The following IL13RA1 variants were observed in gnomAD, a reference collection of about 807,000 sequenced individuals.
IL13RA1 encodes interleukin 13 receptor subunit alpha 1, also known as interleukin-13 receptor subunit alpha-1.
Under a neutral mutation model 33.8 loss-of-function variants are expected in IL13RA1, and 14 were observed. That is an observed-to-expected ratio of 0.41 (90% confidence interval 0.27 to 0.65). The LOEUF is 0.65. Ranked by LOEUF, IL13RA1 falls within the 30% of genes least tolerant of loss-of-function variation. IL13RA1 has a pLI of 0.28. For missense variants in IL13RA1, 313 were observed against 327.0 expected (o/e 0.96, Z 0.33); for synonymous variants, 116 against 115.7 (o/e 1.00, Z -0.02).
intron 8 of IL13RA1, among the ~76,000 whole-genome samples, chrX:118,772,756 C>G (rs1218820943): frequency 2.7e-5 from 3 of 111,571 alleles, no homozygotes; most frequent in African/African-American, 9.7e-5. Flanking sequence ...AGCACAAGAT[C>G]TTGAAGTTTT....
At chrX:118,774,120 G>T in intron 9 of IL13RA1, 145 bp downstream of exon 9, 1 of 392,469 alleles carries the variant, frequency 2.5e-6, no homozygotes, top group Middle Eastern at 3.8e-4. Flanking sequence ...ACATGACAAG[G>T]AAGTATTACC....
chrX:118,791,636 AAC>A, intron 10 of IL13RA1, 124 bp from the exon 11 acceptor site: 9 of 323,453 alleles, frequency 2.8e-5, no homozygotes, highest in East Asian at 4.7e-5. Context: ...AAAAAAAAAA[AAC>A]AGGAAATCAT....
chrX:118,741,107 C>A lies in IL13RA1; in HGVS notation c.179C>A (p.Ser60Ter). Residue 60 changes from serine to a stop codon, truncating the protein, a stop_gained, in exon 2 of 11, where the codon TCA becomes TAA. Transcript: ENST00000371666. LOFTEE classifies it high-confidence loss of function. ...TGGAATCCACCCGAGGGAGCCAGCT[C>A]AAATTGTAGTCTATGGTATTTTAGT... is the stretch of plus-strand genomic sequence containing the variant. The part of the protein sequence containing the change: ...WTWNPPEGAS[S>*]NCSLWYFSHF... The A allele has an allele frequency of 8.6e-7, 1 of 1,158,777 alleles. No individual in the cohort carries two copies. The highest frequency in any genetic ancestry group is 1.2e-6 in the Non-Finnish European group (1 of 847,346).
chrX:118,784,101 A>ATATACACGTATATATG (rs1569459380), intron 10 of IL13RA1, among the ~76,000 whole-genome samples: 2 of 65,499 alleles, frequency 3.1e-5, no homozygotes, highest in Non-Finnish European at 5.4e-5. Flanking sequence ...ATATATATAT[A>ATATACACGTATATATG]TATATATACG....
chrX:118,800,218 G>A, the IL13RA1 span, among the ~76,000 whole-genome samples: 1 of 111,293 alleles, frequency 9.0e-6, no homozygotes, highest in Non-Finnish European at 1.9e-5. Flanking sequence ...CAGGATGTGG[G>A]TGGGGCCAGA....
chrX:118,800,814 C>T, the IL13RA1 span, among the ~76,000 whole-genome samples: 1 of 110,224 alleles, frequency 9.1e-6, no homozygotes, highest in Non-Finnish European at 1.9e-5. Flanking sequence ...GAGACAGGGT[C>T]TCACTTTTAT....
the IL13RA1 span, among the ~76,000 whole-genome samples, chrX:118,800,445 A>G: frequency 1.8e-5 from 2 of 110,256 alleles, no homozygotes; most frequent in African/African-American, 6.6e-5. Context: ...CAGACGCGCT[A>G]CCTTAAGAGC....
At chrX:118,762,218 G>A (rs1241903962) in intron 6 of IL13RA1, among the ~76,000 whole-genome samples, 2 of 112,714 alleles carry the variant, frequency 1.8e-5, no homozygotes, top group African/African-American at 3.2e-5. Context: ...ACACTTTTTT[G>A]TGTGGAACAC....
intron 8 of IL13RA1, among the ~76,000 whole-genome samples, chrX:118,771,179 A>G (rs1220282657): frequency 9.0e-6 from 1 of 111,714 alleles, no homozygotes; most frequent in Non-Finnish European, 1.9e-5. Context: ...TTCAACCCCT[A>G]CCAGAGGAAG....
intron 9 of IL13RA1, among the ~76,000 whole-genome samples, chrX:118,775,503 G>A (rs2017772214): frequency 8.9e-6 from 1 of 111,821 alleles, no homozygotes; most frequent in Admixed American, 9.5e-5. Context: ...GAGTAGTTCG[G>A]AGGCATTGCA....
At chrX:118,781,392 A>G (rs927951911) in intron 10 of IL13RA1, among the ~76,000 whole-genome samples, 1 of 110,065 alleles carries the variant, frequency 9.1e-6, no homozygotes, top group African/African-American at 3.3e-5. Context: ...TCATTCTATC[A>G]CTCAGGCTGG....
chrX:118,771,726 T>C (rs1022120242), intron 8 of IL13RA1, among the ~76,000 whole-genome samples: 1 of 112,200 alleles, frequency 8.9e-6, no homozygotes, highest in Non-Finnish European at 1.9e-5. Context: ...TATAATCCCA[T>C]CACTTTGGGA....
At chrX:118,753,001 T>C (rs113372721) in intron 4 of IL13RA1, among the ~76,000 whole-genome samples, 167 of 112,108 alleles carry the variant, frequency 1.5e-3, no homozygotes, top group African/African-American at 5.1e-3. Context: ...TTTATTATGC[T>C]ATTAACCCCT....
intron 10 of IL13RA1, among the ~76,000 whole-genome samples, chrX:118,782,083 T>C (rs1292900653): frequency 9.0e-6 from 1 of 111,504 alleles, no homozygotes; most frequent in East Asian, 2.8e-4. Context: ...TTCTTTTTTT[T>C]TTCTTTTGAG....
intron 4 of IL13RA1, among the ~76,000 whole-genome samples, chrX:118,754,948 T>TGC (rs913085779): frequency 9.5e-6 from 1 of 105,018 alleles, no homozygotes; most frequent in Non-Finnish European, 2.0e-5. Context: ...TTTTTTTTTT[T>TGC]TTTCTTTTTT....
At chrX:118,729,111 C>T (rs897382306) in intron 1 of IL13RA1, among the ~76,000 whole-genome samples, 2 of 111,098 alleles carry the variant, frequency 1.8e-5, no homozygotes, top group East Asian at 5.6e-4. Flanking sequence ...ACCTGATTTC[C>T]GTAATCATAT....
At position 118,758,238 on chromosome X, in the gene IL13RA1, C is replaced by T; in HGVS notation, c.672C>T (p.Ser224=). The T allele has an allele frequency of 9.9e-7, 1 of 1,007,316 alleles. No individual in the cohort carries two copies. The highest frequency in any genetic ancestry group is 2.3e-5 in the South Asian group (1 of 43,902). 83.0% of individuals were successfully genotyped at this position (1,007,316 alleles called of 1,213,427 possible). A position where few individuals can be genotyped will look rare whatever the true frequency, so the allele number is the denominator to read the frequency against. The change falls in exon 5 of 11, where the codon TCC becomes TCT. Residue 224 remains serine (S), a synonymous_variant. Transcript: ENST00000371666. ...CCTTCAATATAGTGCCTTTAACTTC[C>T]CGTGGTAAGTTTTAGAAGTCCTCTA... The part of the protein sequence containing the change: ...KPSFNIVPLT[S]RVKPDPPHIK...
At chrX:118,756,389 G>T (rs1471406478) in intron 4 of IL13RA1, among the ~76,000 whole-genome samples, 1 of 111,671 alleles carries the variant, frequency 9.0e-6, no homozygotes, top group Non-Finnish European at 1.9e-5. Context: ...TGATCTTTGG[G>T]GAAAGGTATG....
intron 4 of IL13RA1, among the ~76,000 whole-genome samples, chrX:118,756,551 G>A (rs1460104184): frequency 9.0e-6 from 1 of 111,435 alleles, no homozygotes; most frequent in Admixed American, 9.6e-5. Flanking sequence ...AGGTCAGGGA[G>A]GTCAATCTGA....
Sources: gnomAD v4.1 joint callset for allele counts (sites outside exome capture counted in the v4.1 genomes callset) on GRCh38, gnomAD v4.1.1 for gene constraint, MANE v1.5 for transcripts, NCBI Gene and HGNC (gene_info 2026-07-23, HGNC 2026-07-21) for gene names.